AGO3: variants seen among roughly 807,000 people sequenced by gnomAD.
AGO3 encodes the protein argonaute RISC catalytic component 3, also known as protein argonaute-3.
Under a neutral mutation model 105.5 loss-of-function variants are expected in AGO3, and 16 were observed. That is an observed-to-expected ratio of 0.15 (90% CI 0.10 to 0.23). The LOEUF is 0.23. Among genes scored for constraint, AGO3 ranks in the 10% least tolerant of loss-of-function variants. AGO3 has a pLI of 1.00. For missense variants in AGO3, 534 were observed against 1,088.0 expected, an observed-to-expected ratio of 0.49 and a Z score of 7.16; for synonymous variants, 340 against 367.3, an observed-to-expected ratio of 0.93 and a Z score of 0.85.
intron 14 of AGO3, among the ~76,000 whole-genome samples, chr1:36,038,319 G>A (rs1034665112): frequency 2.1e-5 from 3 of 145,540 alleles, no homozygotes; most frequent in Non-Finnish European, 4.5e-5. Flanking sequence ...CAGTGGGCGC[G>A]ATCTTGGCTC....
intron 5 of AGO3, chr1:35,984,479 T>C (rs1414896495): frequency 1.3e-5 from 2 of 152,310 alleles, no homozygotes; most frequent in Admixed American, 1.3e-4. Flanking sequence ...GGTTTCAGTC[T>C]ACATGTTACT....
chr1:36,039,743 A>G, intron 14 of AGO3, 47 bp from the exon 15 acceptor site: 2 of 1,149,590 alleles, frequency 1.7e-6, no homozygotes, highest in Non-Finnish European at 2.3e-6. Context: ...TTTGATTATC[A>G]TTTATTTTTA....
chr1:35,973,048 T>G (rs649152), intron 4 of AGO3, among the ~76,000 whole-genome samples: 35,721 of 151,416 alleles, frequency 0.24, 6,975 homozygotes, highest in East Asian at 0.69. Flanking sequence ...CACATTTATA[T>G]AAATACCTTT....
chr1:36,047,013 G>A lies in AGO3; in HGVS notation c.2274+3465G>A, dbSNP rs912915559. On this transcript the variant is annotated intron_variant, in intron 17 of 18. Coordinates refer to ENST00000373191, the MANE Select transcript of AGO3 (RefSeq NM_024852.4). ...TAATCTCATTACTTTGGGAGGCCGAGGCAGGCAGAACACCTGAGGTCGGGA... is the reference window on the plus strand; with the variant it reads ...TAATCTCATTACTTTGGGAGGCCGAAGCAGGCAGAACACCTGAGGTCGGGA... Among the ~76,000 whole-genome samples the A allele has an allele frequency of 9.2e-5, 14 of 152,284 alleles. No individual in the cohort carries two copies. The East Asian group carries it at 2.7e-3, about 29-fold the overall frequency.
intron 11 of AGO3, among the ~76,000 whole-genome samples, chr1:36,014,744 C>T (rs1447792568): frequency 7.1e-6 from 1 of 141,092 alleles, no homozygotes; most frequent in Non-Finnish European, 1.5e-5. Flanking sequence ...GCACTCCAGC[C>T]TGGGCAACAG....
chr1:36,010,588 TG>T (rs1179700429), intron 9 of AGO3, among the ~76,000 whole-genome samples: 9 of 128,322 alleles, frequency 7.0e-5, no homozygotes, highest in Non-Finnish European at 9.8e-5. Flanking sequence ...GACAACAGAG[TG>T]AGACTCTGTC....
chr1:36,069,401 G>T lies in AGO3; in HGVS notation c.*13656G>T, dbSNP rs1643133169. On this transcript the variant is annotated 3_prime_UTR_variant, in exon 19 of 19. Transcript: ENST00000373191. The stretch of plus-strand genomic sequence containing the variant: ...TTATAGGCATGATCACTAAATTGTT[G>T]TAAGAATAAGATAATGTTTGCGGAA... 2 of 151,952 alleles carry T rather than the reference G, an allele frequency of 1.3e-5. No individual in the cohort carries two copies. The highest frequency in any genetic ancestry group is 2.4e-5 in the African/African-American group (1 of 41,232). 9.4% of individuals were successfully genotyped at this position (151,952 alleles called of 1,614,324 possible). A position where few individuals can be genotyped will look rare whatever the true frequency, so the allele number is the denominator to read the frequency against.
chr1:36,015,018 G>C (rs1325066391), intron 11 of AGO3, among the ~76,000 whole-genome samples: 1 of 151,930 alleles, frequency 6.6e-6, no homozygotes, highest in Admixed American at 6.6e-5. Flanking sequence ...ACACCAGCTG[G>C]GTGTCCTCCA....
At chr1:35,996,315 C>CT (rs1639807562) in intron 5 of AGO3, among the ~76,000 whole-genome samples, 1 of 149,626 alleles carries the variant, frequency 6.7e-6, no homozygotes, top group African/African-American at 2.5e-5. Context: ...GAGCAAGACT[C>CT]TGACTCTTAA....
intron 1 of AGO3, among the ~76,000 whole-genome samples, chr1:35,941,390 C>T (rs1250785285): frequency 6.6e-6 from 1 of 152,032 alleles, no homozygotes; most frequent in African/African-American, 2.4e-5. Context: ...CATACAGCAG[C>T]TGGAGTGATA....
intron 1 of AGO3, among the ~76,000 whole-genome samples, chr1:35,932,291 T>G (rs1183164933): frequency 6.6e-6 from 1 of 152,210 alleles, no homozygotes; most frequent in Non-Finnish European, 1.5e-5. Flanking sequence ...ATGATCATGC[T>G]TGGCTTATTA....
At chr1:35,939,394 T>C (rs1467521221) in intron 1 of AGO3, among the ~76,000 whole-genome samples, 2 of 152,148 alleles carry the variant, frequency 1.3e-5, no homozygotes, top group East Asian at 1.9e-4. Flanking sequence ...CAGTATGATA[T>C]AGTGTAAAAA....
At chr1:35,948,472 C>A (rs1646410233) in intron 2 of AGO3, among the ~76,000 whole-genome samples, 1 of 150,696 alleles carries the variant, frequency 6.6e-6, no homozygotes, top group Non-Finnish European at 1.5e-5. Context: ...CCCCCGCCCC[C>A]ACCCCACCGC....
At chr1:35,969,969 A>G (rs1482274721) in intron 3 of AGO3, among the ~76,000 whole-genome samples, 3 of 152,176 alleles carry the variant, frequency 2.0e-5, no homozygotes, top group Non-Finnish European at 4.4e-5. Context: ...TAATGGGACC[A>G]CCGTGTATAT....
chr1:35,979,312 C>A (rs756514541), intron 5 of AGO3, among the ~76,000 whole-genome samples: 8 of 151,844 alleles, frequency 5.3e-5, no homozygotes, highest in African/African-American at 1.5e-4. Context: ...TGCAGTGAGC[C>A]GAGATCGCGC....
At chr1:36,035,636 A>T (rs534836430) in intron 13 of AGO3, among the ~76,000 whole-genome samples, 2 of 152,196 alleles carry the variant, frequency 1.3e-5, no homozygotes, top group Admixed American at 1.3e-4. Context: ...AAGGAAGTTT[A>T]TAATTTTGTG....
intron 2 of AGO3, among the ~76,000 whole-genome samples, chr1:35,951,325 TATG>T (rs1646467048): frequency 6.6e-6 from 1 of 152,250 alleles, no homozygotes; most frequent in South Asian, 2.1e-4. Context: ...GTTAATATTC[TATG>T]ATGATTAATA....
intron 6 of AGO3, 45 bp downstream of exon 6, chr1:36,004,520 G>C (rs769273911): frequency 8.1e-6 from 12 of 1,484,016 alleles, no homozygotes; most frequent in Admixed American, 4.1e-5. Context: ...AAAATGCATG[G>C]ATATAACAAC....
chr1:36,013,235 A>G (rs187516345), intron 9 of AGO3, among the ~76,000 whole-genome samples: 2 of 152,122 alleles, frequency 1.3e-5, no homozygotes, highest in African/African-American at 4.8e-5. Context: ...CACCACGCCC[A>G]GCCTAATTTT....
Sources: gnomAD v4.1 joint callset for allele counts (sites outside exome capture counted in the v4.1 genomes callset) on GRCh38, gnomAD v4.1.1 for gene constraint, MANE v1.5 for transcripts, NCBI Gene and HGNC (gene_info 2026-07-23, HGNC 2026-07-21) for gene names.